The following FBXL4 variants were observed in gnomAD, a reference collection of about 807,000 sequenced individuals.
FBXL4 encodes F-box/LRR-repeat protein 4.
Under a neutral mutation model 58.9 loss-of-function variants are expected in FBXL4, and 40 were observed. The observed-to-expected ratio is 0.68, with a 90% confidence interval of 0.53 to 0.88. The LOEUF is 0.88. FBXL4 is among the 40% of genes least tolerant of loss of function. FBXL4 has a pLI of 0.00. For synonymous variants in FBXL4, 263 were observed against 265.5 expected, an observed-to-expected ratio of 0.99 and a Z score of 0.09; for missense variants, 676 against 734.4, an observed-to-expected ratio of 0.92 and a Z score of 0.92.
chr6:98,914,488 C>T (rs1377959831), intron 5 of FBXL4, among the ~76,000 whole-genome samples: 1 of 152,146 alleles, frequency 6.6e-6, no homozygotes, highest in African/African-American at 2.4e-5. Flanking sequence ...GTGGGCTTCA[C>T]CTCTGGGATG....
At chr6:98,917,226 T>C (rs1724927667) in intron 5 of FBXL4, 148 bp downstream of exon 5, 2 of 502,862 alleles carry the variant, frequency 4.0e-6, no homozygotes, top group South Asian at 7.1e-5. Flanking sequence ...TGATTTTGTC[T>C]AGTTTTTCCA....
At chr6:98,944,767 C>A (rs1421717075) in intron 1 of FBXL4, among the ~76,000 whole-genome samples, 1 of 152,182 alleles carries the variant, frequency 6.6e-6, no homozygotes, top group African/African-American at 2.4e-5. Context: ...TTGCAGCCCA[C>A]TATGAAAGAT....
At position 98,932,436 on chromosome 6, in the gene FBXL4, T is replaced by C. The variant is rs371818469; in HGVS notation, c.-191+2326A>G. Among the ~76,000 whole-genome samples the C allele has an allele frequency of 3.1e-4, 47 of 152,320 alleles. 1 individual carries two copies. The East Asian group carries it at 9.1e-3, about 29-fold the overall frequency. On this transcript the variant is annotated intron_variant, in intron 2 of 9. Coordinates refer to ENST00000369244, the MANE Select transcript of FBXL4 (RefSeq NM_001278716.2). The stretch of plus-strand genomic sequence containing the variant: ...ACTTAGGTTTAAACCACATCTTCCA[T>C]ATTATAAAATGCTTAACGAAGTTAA...
At chr6:98,895,708 C>G (rs912155393) in intron 7 of FBXL4, among the ~76,000 whole-genome samples, 2 of 152,134 alleles carry the variant, frequency 1.3e-5, no homozygotes, top group Non-Finnish European at 2.9e-5. Context: ...ATATCTAGGA[C>G]AGCCAACAGA....
intron 4 of FBXL4, among the ~76,000 whole-genome samples, chr6:98,918,544 T>C (rs545122099): frequency 6.6e-6 from 1 of 152,278 alleles, no homozygotes; most frequent in African/African-American, 2.4e-5. Flanking sequence ...AAAACTATTT[T>C]CCAAAATTAT....
At chr6:98,917,298 C>A in intron 5 of FBXL4, 76 bp downstream of exon 5, 1 of 1,000,168 alleles carries the variant, frequency 1.0e-6, no homozygotes, top group South Asian at 2.0e-5. Context: ...TACCGATGCT[C>A]AGTAAACATT....
intron 7 of FBXL4, among the ~76,000 whole-genome samples, chr6:98,887,752 GTA>G (rs1771090328): frequency 6.6e-6 from 1 of 152,178 alleles, no homozygotes; most frequent in Non-Finnish European, 1.5e-5. Flanking sequence ...GGAAGTGATG[GTA>G]ATGGAAAGAA....
At position 98,905,488 on chromosome 6, in the gene FBXL4, G is replaced by T. The variant is rs1414950145; in HGVS notation, c.1041C>A (p.Val347=). The T allele has an allele frequency of 6.8e-6, 11 of 1,613,868 alleles. No individual in the cohort carries two copies. Among genetic ancestry groups the T allele is most frequent in the Non-Finnish European group, 9.3e-6 (11 of 1,179,956 alleles). ...LEFLQSRCTL[V]QWLNLSWTGN... is the part of the protein sequence containing the mutation. The stretch of plus-strand genomic sequence containing the variant: ...CAGTCCAAGATAAATTAAGCCACTG[G>T]ACAAGAGTGCAGCGAGACTGTAGAA... The change falls in exon 6 of 10, where the codon GTC becomes GTA. Residue 347 remains valine (V), a synonymous_variant. Transcript: ENST00000369244.
chr6:98,906,768 C>G (rs1206021818), intron 5 of FBXL4, among the ~76,000 whole-genome samples: 1 of 152,168 alleles, frequency 6.6e-6, no homozygotes, highest in Non-Finnish European at 1.5e-5. Flanking sequence ...CAATGGTTGA[C>G]TAATTTACAC....
chr6:98,899,593 A>G, intron 6 of FBXL4, 112 bp from the exon 7 acceptor site: 2 of 1,241,718 alleles, frequency 1.6e-6, no homozygotes, highest in Admixed American at 2.9e-5. Flanking sequence ...GATTTCTATT[A>G]GGGAAAATGT....
At position 98,912,911 on chromosome 6, in the gene FBXL4, T is replaced by G. The variant is rs912388303; in HGVS notation, c.858+4463A>C. Among the ~76,000 whole-genome samples the G allele has an allele frequency of 3.3e-5, 5 of 152,110 alleles. No homozygotes were observed. In the East Asian group the frequency reaches 9.7e-4, roughly 29 times the overall value. The stretch of plus-strand genomic sequence containing the variant: ...TGGATAAAGAGTCAAGACCCATCAG[T>G]GTGCTGTATTCAGGAAACCCATCTC... On this transcript the variant is annotated intron_variant, in intron 5 of 9. Coordinates refer to ENST00000369244, the MANE Select transcript of FBXL4 (RefSeq NM_001278716.2).
At chr6:98,918,641 A>G (rs975484290) in intron 4 of FBXL4, among the ~76,000 whole-genome samples, 2 of 152,134 alleles carry the variant, frequency 1.3e-5, no homozygotes, top group Non-Finnish European at 2.9e-5. Context: ...ATTTCTAATA[A>G]AGAGAAAATT....
intron 7 of FBXL4, among the ~76,000 whole-genome samples, chr6:98,894,993 C>T (rs1380336257): frequency 6.6e-6 from 1 of 152,194 alleles, no homozygotes; most frequent in Non-Finnish European, 1.5e-5. Context: ...TTCTATTCTC[C>T]TGAGGTCTCA....
intron 5 of FBXL4, among the ~76,000 whole-genome samples, chr6:98,915,757 T>C (rs1197027757): frequency 1.3e-5 from 2 of 152,120 alleles, no homozygotes; most frequent in Non-Finnish European, 2.9e-5. Flanking sequence ...GACATAGACA[T>C]GGGAAAGGAC....
chr6:98,886,082 C>T (rs1045860434), intron 7 of FBXL4, among the ~76,000 whole-genome samples: 2 of 152,166 alleles, frequency 1.3e-5, no homozygotes, highest in Non-Finnish European at 2.9e-5. Context: ...TCCTTAGAGA[C>T]CCTGAGCCAA....
intron 5 of FBXL4, among the ~76,000 whole-genome samples, chr6:98,916,202 CT>C (rs1772339276): frequency 7.0e-6 from 1 of 143,178 alleles, no homozygotes; most frequent in East Asian, 2.1e-4. Context: ...AATAGGAACA[CT>C]TTTACACTGT....
chr6:98,893,386 T>C (rs1173476311), intron 7 of FBXL4, among the ~76,000 whole-genome samples: 1 of 150,686 alleles, frequency 6.6e-6, no homozygotes, highest in African/African-American at 2.4e-5. Flanking sequence ...TCTTACTGGC[T>C]TGTAGCGGGT....
intron 6 of FBXL4, among the ~76,000 whole-genome samples, 168 bp downstream of exon 6, chr6:98,905,258 T>C (rs1201059778): frequency 1.3e-5 from 2 of 152,206 alleles, no homozygotes; most frequent in African/African-American, 2.4e-5. Flanking sequence ...AAAACACTTA[T>C]TTTTTTATAA....
chr6:98,915,490 G>C (rs1399340441), intron 5 of FBXL4, among the ~76,000 whole-genome samples: 2 of 151,406 alleles, frequency 1.3e-5, no homozygotes, highest in Non-Finnish European at 3.0e-5. Context: ...CAATGGAACA[G>C]AACAGAGCCC....
Sources: gnomAD v4.1 joint callset for allele counts (sites outside exome capture counted in the v4.1 genomes callset) on GRCh38, gnomAD v4.1.1 for gene constraint, MANE v1.5 for transcripts, NCBI Gene and HGNC (gene_info 2026-07-23, HGNC 2026-07-21) for gene names.